The following GRID2 variants were observed in gnomAD, a reference collection of about 807,000 sequenced individuals.
GRID2 encodes the protein glutamate receptor ionotropic, delta-2.
GRID2 carries 33 observed loss-of-function variants against 114.8 expected under a neutral mutation model. That is an observed-to-expected ratio of 0.29 (90% CI 0.22 to 0.38). The LOEUF is 0.38. Ranked by LOEUF, GRID2 falls within the 10% of genes least tolerant of loss-of-function variation. The probability of loss-of-function intolerance (pLI) is 1.00; values close to 1 mark genes in which losing one functional copy is unlikely to be tolerated. For synonymous variants in GRID2, 505 were observed against 449.9 expected, an observed-to-expected ratio of 1.12 and a Z score of -1.55; for missense variants, 1,184 against 1,257.7, an observed-to-expected ratio of 0.94 and a Z score of 0.89.
At chr4:93,620,353 GC>G (rs1210760060) in intron 13 of GRID2, among the ~76,000 whole-genome samples, 1 of 152,126 alleles carries the variant, frequency 6.6e-6, no homozygotes, top group Non-Finnish European at 1.5e-5. Context: ...TTTGGAGTGA[GC>G]TTTTAAGAAA....
chr4:93,497,464 C>T (rs1223122471), intron 12 of GRID2, among the ~76,000 whole-genome samples: 1 of 151,720 alleles, frequency 6.6e-6, no homozygotes, highest in East Asian at 1.9e-4. Context: ...AGATTTTCTC[C>T]TATTTCTTCT....
intron 1 of GRID2, among the ~76,000 whole-genome samples, chr4:92,459,226 G>A (rs1343058806): frequency 3.3e-5 from 5 of 152,002 alleles, no homozygotes; most frequent in Non-Finnish European, 2.9e-5. Context: ...AAATGGAAAC[G>A]TGTTTTAAAT....
intron 1 of GRID2, among the ~76,000 whole-genome samples, chr4:92,444,659 G>A (rs569988660): frequency 1.4e-4 from 22 of 152,180 alleles, no homozygotes; most frequent in Middle Eastern, 6.8e-3. Context: ...CTGACATTTC[G>A]TACTATGGAT....
At chr4:93,001,062 T>G (rs1463871229) in intron 2 of GRID2, among the ~76,000 whole-genome samples, 1 of 151,668 alleles carries the variant, frequency 6.6e-6, no homozygotes, top group Non-Finnish European at 1.5e-5. Flanking sequence ...TTGCTAGTAA[T>G]TAAACATCTA....
chr4:92,505,418 C>T (rs1723910896), intron 1 of GRID2, among the ~76,000 whole-genome samples: 1 of 151,954 alleles, frequency 6.6e-6, no homozygotes. Context: ...TTTCTTCTTT[C>T]TTCCTTCTTC....
intron 3 of GRID2, among the ~76,000 whole-genome samples, chr4:93,092,999 C>G (rs1351070331): frequency 6.6e-6 from 1 of 151,926 alleles, no homozygotes; most frequent in African/African-American, 2.4e-5. Context: ...ATGACCTAAG[C>G]AAACTACAAC....
intron 8 of GRID2, among the ~76,000 whole-genome samples, chr4:93,250,800 TAGAAAG>T (rs938612372): frequency 6.0e-5 from 9 of 149,782 alleles, no homozygotes; most frequent in Admixed American, 1.3e-4. Context: ...TATATATACA[TAGAAAG>T]AGAGAGAAAG....
At chr4:92,755,221 T>C (rs1737653989) in intron 2 of GRID2, among the ~76,000 whole-genome samples, 1 of 152,208 alleles carries the variant, frequency 6.6e-6, no homozygotes, top group South Asian at 2.1e-4. Context: ...TTAAACTTTG[T>C]TTCTGCCATT....
chr4:93,186,424 T>TTTA (rs1740429616), intron 4 of GRID2, among the ~76,000 whole-genome samples: 3 of 152,196 alleles, frequency 2.0e-5, no homozygotes, highest in Admixed American at 2.0e-4. Flanking sequence ...GACTTTTTAA[T>TTTA]GATCGCCATT....
intron 1 of GRID2, among the ~76,000 whole-genome samples, chr4:92,500,731 C>T (rs1363651560): frequency 1.3e-5 from 2 of 152,062 alleles, no homozygotes; most frequent in Admixed American, 6.6e-5. Flanking sequence ...AGTAATCCTG[C>T]CTGATACCTG....
chr4:93,162,668 A>C (rs898935151), intron 4 of GRID2, among the ~76,000 whole-genome samples: 1 of 152,010 alleles, frequency 6.6e-6, no homozygotes, highest in Non-Finnish European at 1.5e-5. Context: ...TGTCTGTTAC[A>C]TACATTTTAC....
At chr4:92,757,478 CCTT>C (rs1489761994) in intron 2 of GRID2, among the ~76,000 whole-genome samples, 1 of 152,052 alleles carries the variant, frequency 6.6e-6, no homozygotes, top group African/African-American at 2.4e-5. Context: ...CTGCTTTTCT[CCTT>C]GTCTTATCAA....
chr4:93,480,325 G>C (rs572582892), intron 11 of GRID2, among the ~76,000 whole-genome samples: 17 of 151,794 alleles, frequency 1.1e-4, no homozygotes, highest in Non-Finnish European at 2.1e-4. Context: ...TTCAGTATTG[G>C]GCTTCTGAAT....
chr4:92,415,680 G>A (rs1731559787), intron 1 of GRID2, among the ~76,000 whole-genome samples: 1 of 147,208 alleles, frequency 6.8e-6, no homozygotes, highest in South Asian at 2.1e-4. Context: ...GTATTCCATG[G>A]CGTGTGTATG....
chr4:92,771,056 A>G (rs761540419), intron 2 of GRID2, among the ~76,000 whole-genome samples: 1 of 152,082 alleles, frequency 6.6e-6, no homozygotes, highest in East Asian at 1.9e-4. Context: ...TTTTTTGCCA[A>G]TACCTAAGGT....
Position 93,373,432 on chromosome 4 carries a change from A to G in GRID2, c.1246-22175A>G, listed in dbSNP as rs147767367. Reference sequence around the variant, plus strand: ...ATATAGTGACCATTTATATCAGTGTATAGTACAAATATGTATACTGTGGTC... The same window carrying G: ...ATATAGTGACCATTTATATCAGTGTGTAGTACAAATATGTATACTGTGGTC... On this transcript the variant is annotated intron_variant, in intron 8 of 15. Coordinates refer to ENST00000282020, the MANE Select transcript of GRID2 (RefSeq NM_001510.4). Among the ~76,000 whole-genome samples the G allele has an allele frequency of 3.0e-3, 450 of 152,248 alleles. 2 individuals are homozygous for G. The highest frequency in any genetic ancestry group is 1.0e-2 in the African/African-American group (415 of 41,542).
chr4:92,909,727 TG>T (rs1345992109), intron 2 of GRID2, among the ~76,000 whole-genome samples: 2 of 152,178 alleles, frequency 1.3e-5, no homozygotes, highest in Non-Finnish European at 2.9e-5. Flanking sequence ...TATTTGCTAA[TG>T]CCTTCTGTTA....
chr4:92,881,041 T>G (rs1322979844), intron 2 of GRID2, among the ~76,000 whole-genome samples: 2 of 152,112 alleles, frequency 1.3e-5, no homozygotes, highest in East Asian at 3.9e-4. Context: ...TAGCTGAGAT[T>G]ATAGACATGA....
rs141906222 is a variant in GRID2, at chr4:93,513,867, A to T, written c.1998-1349A>T. ...ATGATGGAGATTGGTGAACTGCAAG[A>T]GTATTCCCAGTGCCTTTGCCCAATG... On this transcript the variant is annotated intron_variant, in intron 12 of 15. Coordinates refer to ENST00000282020, the MANE Select transcript of GRID2 (RefSeq NM_001510.4). Among the ~76,000 whole-genome samples, 340 of 152,338 alleles carry T rather than the reference A, an allele frequency of 2.2e-3. 4 individuals are homozygous for T. Among genetic ancestry groups the T allele is most frequent in the African/African-American group, 7.7e-3 (321 of 41,590 alleles).
Sources: allele counts gnomAD v4.1 joint callset (sites outside exome capture counted in the v4.1 genomes callset), GRCh38; gene constraint gnomAD v4.1.1; transcripts MANE v1.5; gene names NCBI Gene and HGNC (gene_info 2026-07-23, HGNC 2026-07-21).